The following TMEM17 variants were observed in gnomAD, a reference collection of about 807,000 sequenced individuals.
The protein encoded by TMEM17 is transmembrane protein 17.
A neutral mutation model predicts 19.1 loss-of-function variants in TMEM17; 15 were observed. That is an observed-to-expected ratio of 0.78 (90% CI 0.52 to 1.21). The LOEUF is 1.21. TMEM17 is among the 50% of genes most tolerant of loss of function. The probability of loss-of-function intolerance (pLI) is 0.00; values close to 1 mark genes in which losing one functional copy is unlikely to be tolerated. For synonymous variants in TMEM17, 103 were observed against 86.9 expected (o/e 1.19, Z -1.03); for missense variants, 245 against 242.3 (o/e 1.01, Z -0.07).
At chr2:62,498,935 A>G (rs889766694), downstream of TMEM17, among the ~76,000 whole-genome samples, 7 of 152,258 alleles carry the variant, frequency 4.6e-5, no homozygotes, top group Admixed American at 4.6e-4. Context: ...ACATGTTAAT[A>G]TCTCCTCTAC....
At chr2:62,484,196 G>A in the TMEM17 span, among the ~76,000 whole-genome samples, 1 of 152,188 alleles carries the variant, frequency 6.6e-6, no homozygotes, top group Non-Finnish European at 1.5e-5. Flanking sequence ...TCTTTCTCTA[G>A]AGCAGCACCA....
At chr2:62,484,995 T>C in the TMEM17 span, among the ~76,000 whole-genome samples, 1 of 152,236 alleles carries the variant, frequency 6.6e-6, no homozygotes, top group Non-Finnish European at 1.5e-5. Flanking sequence ...TGGAGAGCAA[T>C]GGCATGATCT....
At chr2:62,494,237 G>C in the TMEM17 span, among the ~76,000 whole-genome samples, 1 of 152,302 alleles carries the variant, frequency 6.6e-6, no homozygotes, top group African/African-American at 2.4e-5. Context: ...TAAAAATACA[G>C]AGCGTATCTT....
chr2:62,501,071 C>T lies in TMEM17; in HGVS notation c.*138G>A, dbSNP rs943090970. On this transcript the variant is annotated 3_prime_UTR_variant, in exon 4 of 4. Coordinates refer to ENST00000335390, the MANE Select transcript of TMEM17 (RefSeq NM_198276.3). Reference sequence around the variant, plus strand: ...ATACTGTACAAAGTTTCATCATTGCCCCCAACCTTGGAATTTCAGAGTGAG... The same window carrying T: ...ATACTGTACAAAGTTTCATCATTGCTCCCAACCTTGGAATTTCAGAGTGAG... The T allele has an allele frequency of 5.1e-6, 5 of 980,086 alleles. No individual in the cohort carries two copies. Among genetic ancestry groups the T allele is most frequent in the Non-Finnish European group, 7.5e-6 (5 of 670,070 alleles). The allele number at this position is 980,086 out of a possible 1,614,324, so 60.7% of individuals were successfully genotyped here.
the TMEM17 span, among the ~76,000 whole-genome samples, chr2:62,462,736 A>G: frequency 6.6e-6 from 1 of 152,212 alleles, no homozygotes; most frequent in Non-Finnish European, 1.5e-5. Context: ...GGGTCTGATT[A>G]TAATCAATAA....
chr2:62,482,204 GA>G, the TMEM17 span, among the ~76,000 whole-genome samples: 1 of 152,202 alleles, frequency 6.6e-6, no homozygotes, highest in Non-Finnish European at 1.5e-5. Context: ...AAACATATAG[GA>G]AAGGGAATTC....
At chr2:62,476,136 C>T in the TMEM17 span, among the ~76,000 whole-genome samples, 1 of 152,162 alleles carries the variant, frequency 6.6e-6, no homozygotes, top group Non-Finnish European at 1.5e-5. Context: ...ATAGGGAGCC[C>T]CTCAGCTCTT....
chr2:62,501,565 A>G, intron 3 of TMEM17, 78 bp from the exon 4 acceptor site: 1 of 1,378,072 alleles, frequency 7.3e-7, no homozygotes. Context: ...AGTACTTATC[A>G]CTACCGTGAA....
the TMEM17 span, among the ~76,000 whole-genome samples, chr2:62,484,050 C>G: frequency 3.7e-3 from 564 of 152,354 alleles, 2 homozygotes; most frequent in Non-Finnish European, 5.4e-3. Flanking sequence ...CAGTTATCAC[C>G]ATTTTAAAGC....
At chr2:62,467,989 G>T in the TMEM17 span, among the ~76,000 whole-genome samples, 1 of 151,848 alleles carries the variant, frequency 6.6e-6, no homozygotes, top group Non-Finnish European at 1.5e-5. Flanking sequence ...AATCCTCGGG[G>T]TACTCAGCAT....
chr2:62,458,662 G>A, the TMEM17 span, among the ~76,000 whole-genome samples: 115,781 of 152,142 alleles, frequency 0.76, 44,691 homozygotes, highest in African/African-American at 0.9. Context: ...GGATTTTGAT[G>A]GTAAGGCCAG....
rs201641861 is a variant in TMEM17 at position 62,506,041 on chromosome 2, T to G, written c.89A>C (p.Asn30Thr). The change falls in exon 1 of 4, where the codon AAT becomes ACT. Residue 30 changes from asparagine (N) to threonine (T), a missense_variant. Coordinates refer to ENST00000335390, the MANE Select transcript of TMEM17 (RefSeq NM_198276.3). ...SDSNRTGPESNEGPENEMVSS... is the reference protein window; with the variant it reads ...SDSNRTGPESTEGPENEMVSS... The stretch of plus-strand genomic sequence containing the variant: ...CCTCGGTCACTCACCCGGACCCTCA[T>G]TGGACTCTGGACCGGTCCGATTGGA... 1.9e-6 allele frequency: 3 copies of G among 1,610,546 alleles called. No individual in the cohort carries two copies. Among genetic ancestry groups the G allele is most frequent in the Non-Finnish European group, 1.7e-6 (2 of 1,178,680 alleles).
chr2:62,503,649 C>T (rs1188753828), intron 1 of TMEM17, among the ~76,000 whole-genome samples: 1 of 152,244 alleles, frequency 6.6e-6, no homozygotes, highest in Non-Finnish European at 1.5e-5. Flanking sequence ...GTGCCTGGCA[C>T]ACTTAGTAGG....
At chr2:62,493,624 G>A in the TMEM17 span, among the ~76,000 whole-genome samples, 1 of 152,202 alleles carries the variant, frequency 6.6e-6, no homozygotes, top group African/African-American at 2.4e-5. Flanking sequence ...GTGTGCGCAT[G>A]TGTAAAATGT....
At chr2:62,461,273 CAGGCCAGGCCA>C in the TMEM17 span, among the ~76,000 whole-genome samples, 1 of 152,232 alleles carries the variant, frequency 6.6e-6, no homozygotes, top group East Asian at 1.9e-4. Flanking sequence ...TTAACGTAAA[CAGGCCAGGCCA>C]AGGAACGGGG....
the TMEM17 span, among the ~76,000 whole-genome samples, chr2:62,458,337 T>C: frequency 2.4e-4 from 36 of 152,326 alleles, no homozygotes; most frequent in East Asian, 6.8e-3. Flanking sequence ...CTACAGCGCA[T>C]GTCCTCACAG....
the TMEM17 span, among the ~76,000 whole-genome samples, chr2:62,487,849 A>G: frequency 2.6e-5 from 4 of 152,126 alleles, no homozygotes; most frequent in African/African-American, 9.7e-5. Flanking sequence ...TCATGCCACC[A>G]TGCCCGGCTA....
At chr2:62,454,132 C>T in the TMEM17 span, among the ~76,000 whole-genome samples, 1 of 152,212 alleles carries the variant, frequency 6.6e-6, no homozygotes, top group Non-Finnish European at 1.5e-5. Flanking sequence ...TCTGATCTTG[C>T]TGCAGCAGCC....
chr2:62,498,498 C>G (rs936178472), downstream of TMEM17, among the ~76,000 whole-genome samples: 2 of 150,732 alleles, frequency 1.3e-5, no homozygotes, highest in Non-Finnish European at 3.0e-5. Flanking sequence ...GGGCGGATCA[C>G]GAGGTCAGGA....
Sources: allele counts gnomAD v4.1 joint callset (sites outside exome capture counted in the v4.1 genomes callset), GRCh38; gene constraint gnomAD v4.1.1; transcripts MANE v1.5; gene names NCBI Gene and HGNC (gene_info 2026-07-23, HGNC 2026-07-21).